Variants in BICDL1 observed in about 807,000 individuals in gnomAD.
BICDL1 encodes BICD family like cargo adaptor 1.
BICDL1 carries 20 observed loss-of-function variants against 76.8 expected under a neutral mutation model. The observed-to-expected ratio is 0.26, with a 90% CI of 0.18 to 0.38. BICDL1 has a LOEUF of 0.38. BICDL1 is among the 10% of genes least tolerant of loss of function. BICDL1 has a pLI of 1.00. For synonymous variants in BICDL1, 383 were observed against 337.1 expected (o/e 1.14, Z -1.49); for missense variants, 700 against 798.6 (o/e 0.88, Z 1.49).
At chr12:120,085,379 G>A (rs1467324855) in intron 8 of BICDL1, among the ~76,000 whole-genome samples, 2 of 152,200 alleles carry the variant, frequency 1.3e-5, no homozygotes, top group Non-Finnish European at 2.9e-5. Flanking sequence ...CCTCCAGCTT[G>A]GGTGACAGAG....
chr12:120,043,712 G>C (rs1393571974), intron 2 of BICDL1, among the ~76,000 whole-genome samples: 1 of 152,162 alleles, frequency 6.6e-6, no homozygotes, highest in Non-Finnish European at 1.5e-5. Context: ...GGCACTTGTG[G>C]GCTTAAAGTT....
At chr12:120,065,108 T>A (rs1481453676) in intron 4 of BICDL1, among the ~76,000 whole-genome samples, 1 of 152,226 alleles carries the variant, frequency 6.6e-6, no homozygotes, top group African/African-American at 2.4e-5. Context: ...TCTGAGCCAC[T>A]GGCCCACGGA....
At chr12:119,999,956 GC>G in intron 2 of BICDL1, 1 of 236,890 alleles carries the variant, frequency 4.2e-6, no homozygotes, top group East Asian at 1.2e-4. Flanking sequence ...TGTAAATAGG[GC>G]AGCATTTCAT....
intron 1 of BICDL1, among the ~76,000 whole-genome samples, chr12:119,995,501 C>T (rs1433602915): frequency 1.3e-5 from 2 of 152,216 alleles, no homozygotes; most frequent in Non-Finnish European, 2.9e-5. Context: ...TTTTAAGTCA[C>T]TCTGTTCTTT....
intron 2 of BICDL1, among the ~76,000 whole-genome samples, chr12:120,059,974 A>G (rs1260844478): frequency 6.6e-6 from 1 of 152,202 alleles, no homozygotes; most frequent in African/African-American, 2.4e-5. Flanking sequence ...CAGCCTCCCA[A>G]AGTGCTGGGA....
intron 2 of BICDL1, among the ~76,000 whole-genome samples, chr12:120,054,156 T>G (rs1328565483): frequency 1.3e-5 from 2 of 150,730 alleles, no homozygotes; most frequent in Non-Finnish European, 3.0e-5. Context: ...CACTGCAACC[T>G]CCACCTCCCG....
intron 8 of BICDL1, among the ~76,000 whole-genome samples, chr12:120,088,787 C>T (rs774312364): frequency 7.2e-5 from 11 of 152,206 alleles, no homozygotes; most frequent in Non-Finnish European, 1.6e-4. Flanking sequence ...CTGCCTCAGC[C>T]TCGCCAGTAG....
At chr12:120,007,657 C>T (rs1403098708) in intron 2 of BICDL1, among the ~76,000 whole-genome samples, 1 of 152,236 alleles carries the variant, frequency 6.6e-6, no homozygotes, top group Admixed American at 6.5e-5. Flanking sequence ...CTAATCTTCT[C>T]TGAAAAGACT....
intron 8 of BICDL1, among the ~76,000 whole-genome samples, chr12:120,088,944 G>T (rs564499709): frequency 7.1e-4 from 108 of 151,458 alleles, no homozygotes; most frequent in African/African-American, 2.3e-3. Flanking sequence ...AATTACAGGG[G>T]TGAGCCACCG....
At chr12:120,081,138 G>C in intron 8 of BICDL1, 121 bp downstream of exon 8, 4 of 1,006,164 alleles carry the variant, frequency 4.0e-6, no homozygotes, top group Non-Finnish European at 5.7e-6. Flanking sequence ...TAGTTTCCCC[G>C]CTACCCACCC....
rs368591433 is a variant in BICDL1, at chr12:120,094,222, G to A, written c.*1061G>A. The A allele has an allele frequency of 1.8e-5, 8 of 456,344 alleles. No homozygotes were observed. The highest frequency in any genetic ancestry group is 9.4e-5 in the Admixed American group (4 of 42,520). The allele number at this position is 456,344 out of a possible 1,614,324, so 28.3% of individuals were successfully genotyped here. A position where few individuals can be genotyped will look rare whatever the true frequency, so the allele number is the denominator to read the frequency against. On this transcript the variant is annotated 3_prime_UTR_variant, in exon 10 of 10. Transcript: ENST00000548673. Reference sequence around the variant, plus strand: ...ACCCAGGCCCCAACTCAGAGGCTCCGCGGCCCGGCCAGCCCTCAGCTGCTC... The same window carrying A: ...ACCCAGGCCCCAACTCAGAGGCTCCACGGCCCGGCCAGCCCTCAGCTGCTC...
chr12:119,998,424 C>T, intron 1 of BICDL1, 97 bp from the exon 2 acceptor site: 2 of 1,041,026 alleles, frequency 1.9e-6, no homozygotes, highest in South Asian at 1.8e-5. Flanking sequence ...ATTGTGTCTA[C>T]TGACTAGGAA....
chr12:119,997,541 C>T (rs545700158), intron 1 of BICDL1, among the ~76,000 whole-genome samples: 3 of 152,284 alleles, frequency 2.0e-5, no homozygotes, highest in South Asian at 2.1e-4. Flanking sequence ...TCAACTTGCC[C>T]TAATGATTTT....
chr12:120,027,070 G>A (rs1029002481), intron 2 of BICDL1, among the ~76,000 whole-genome samples: 3 of 130,892 alleles, frequency 2.3e-5, no homozygotes, highest in Middle Eastern at 4.5e-3. Flanking sequence ...TTGCACTGTC[G>A]CCTGGGCTGG....
At position 120,009,482 on chromosome 12, in the gene BICDL1, T is replaced by C. The variant is rs191371014; in HGVS notation, c.645+10746T>C. Among the ~76,000 whole-genome samples, 225 of 152,352 alleles carry C rather than the reference T, an allele frequency of 1.5e-3. 1 individual carries two copies. Among genetic ancestry groups the C allele is most frequent in the African/African-American group, 4.8e-3 (198 of 41,586 alleles). ...TAATTACTGTAGGGGTAGATCTTTT[T>C]CATGCTTCTAGATTTGGCTTAATGT... On this transcript the variant is annotated intron_variant, in intron 2 of 9. Coordinates refer to ENST00000548673, the MANE Select transcript of BICDL1 (RefSeq NM_001367886.1).
intron 2 of BICDL1, among the ~76,000 whole-genome samples, chr12:120,053,705 G>A (rs1952913089): frequency 6.6e-6 from 1 of 152,154 alleles, no homozygotes. Context: ...TCTCCAAGGA[G>A]CCTTCGTTCA....
chr12:120,075,855 A>T (rs941885801), intron 7 of BICDL1, among the ~76,000 whole-genome samples: 6 of 152,220 alleles, frequency 3.9e-5, no homozygotes, highest in African/African-American at 1.2e-4. Context: ...GGACACAAAG[A>T]TGCCATTTCA....
intron 2 of BICDL1, chr12:120,056,935 G>T (rs4767875): frequency 2.7e-6 from 1 of 375,874 alleles, no homozygotes. Context: ...GCAGGTTAGG[G>T]CTCTACAGAG....
chr12:120,073,726 G>A (rs1292942117), intron 6 of BICDL1, among the ~76,000 whole-genome samples: 1 of 152,088 alleles, frequency 6.6e-6, no homozygotes, highest in African/African-American at 2.4e-5. Context: ...TAATATGAAG[G>A]GTAGCTGTTC....
Sources: allele counts gnomAD v4.1 joint callset (sites outside exome capture counted in the v4.1 genomes callset), GRCh38; gene constraint gnomAD v4.1.1; transcripts MANE v1.5; gene names NCBI Gene and HGNC (gene_info 2026-07-23, HGNC 2026-07-21).